The following SEMA3D variants were observed in gnomAD, a reference collection of about 807,000 sequenced individuals.
The protein encoded by SEMA3D is semaphorin-3D.
A neutral mutation model predicts 100.1 loss-of-function variants in SEMA3D; 84 were observed. The ratio of observed to expected loss-of-function variants is 0.84; its 90% CI spans 0.70 to 1.01. The LOEUF is 1.01. Ranked by LOEUF, SEMA3D falls within the 50% of genes least tolerant of loss-of-function variation. The pLI is 0.00. For missense variants in SEMA3D, 875 were observed against 934.1 expected (o/e 0.94, Z 0.82); for synonymous variants, 312 against 320.7 (o/e 0.97, Z 0.29).
At position 84,999,871 on chromosome 7, in the gene SEMA3D, G is replaced by T; in HGVS notation, c.1909-6C>A. The T allele has an allele frequency of 6.2e-7, 1 of 1,608,762 alleles. No individual in the cohort carries two copies. Among genetic ancestry groups the T allele is most frequent in the South Asian group, 1.1e-5 (1 of 90,760 alleles). On this transcript the variant is annotated splice_polypyrimidine_tract_variant and splice_region_variant and intron_variant, in intron 18 of 18. Transcript: ENST00000284136. ...ATTCTTTCATCGGGCTTCAACTGCA[G>T]AATTGGAAAAATGTAGGTAATAAAT...
intron 4 of SEMA3D, among the ~76,000 whole-genome samples, chr7:85,088,811 T>C (rs1205164899): frequency 1.3e-5 from 2 of 152,166 alleles, no homozygotes; most frequent in Non-Finnish European, 2.9e-5. Context: ...ATACAGAAGA[T>C]GGAGTTCCAG....
chr7:85,091,140 AGGAAGGAAGGAG>A (rs1277144401), intron 4 of SEMA3D, among the ~76,000 whole-genome samples: 51 of 140,272 alleles, frequency 3.6e-4, no homozygotes, highest in Middle Eastern at 6.9e-3. Context: ...GAGGGAAGGA[AGGAAGGAAGGAG>A]GGAAGGAAGG....
intron 1 of SEMA3D, among the ~76,000 whole-genome samples, chr7:85,176,911 AAT>A (rs540985300): frequency 6.6e-4 from 100 of 152,156 alleles, no homozygotes; most frequent in African/African-American, 2.3e-3. Flanking sequence ...CCAGAAGTAT[AAT>A]ATGTTTTTAC....
chr7:85,194,574 A>G, the SEMA3D span, among the ~76,000 whole-genome samples: 3 of 152,162 alleles, frequency 2.0e-5, no homozygotes, highest in African/African-American at 4.8e-5. Flanking sequence ...CGTTTTAATC[A>G]TATTTCAATC....
In SEMA3D at chr7:85,126,293, G is replaced by C. The variant is rs143392240; in HGVS notation, c.-40-4362C>G. 6.1e-3 allele frequency among the ~76,000 whole-genome samples: 934 copies of C among 151,916 alleles called. 8 individuals carry two copies. Among genetic ancestry groups the C allele is most frequent in the African/African-American group, 0.021 (869 of 41,418 alleles). ...CAGGTACTATTAATGTGAAAAAGTAGCTTCTATGCACGGAACAATGATTAA... is the reference window on the plus strand; with the variant it reads ...CAGGTACTATTAATGTGAAAAAGTACCTTCTATGCACGGAACAATGATTAA... On this transcript the variant is annotated intron_variant, in intron 2 of 18. Transcript: ENST00000284136.
In SEMA3D at chr7:85,023,268, C is replaced by G. The variant is rs1013272204; in HGVS notation, c.1192-655G>C. On this transcript the variant is annotated intron_variant, in intron 12 of 18. Coordinates refer to ENST00000284136, the MANE Select transcript of SEMA3D (RefSeq NM_001384900.1). ...TAAATCAATAGTTAGCATGACCTGC[C>G]CCCTGGTGGTAAGAGTAAAAAGTTC... is the stretch of plus-strand genomic sequence containing the variant. Among the ~76,000 whole-genome samples the G allele has an allele frequency of 2.6e-5, 4 of 151,718 alleles. No individual in the cohort carries two copies. The East Asian group carries it at 5.9e-4, about 22-fold the overall frequency.
chr7:85,098,003 AAAAG>A lies in SEMA3D; in HGVS notation c.152-42_152-39del, dbSNP rs749422475. The A allele has an allele frequency of 5.4e-5, 63 of 1,173,816 alleles. No homozygotes were observed. The East Asian group carries it at 7.7e-4, about 14-fold the overall frequency. 72.7% of individuals were successfully genotyped at this position (1,173,816 alleles called of 1,614,324 possible). On this transcript the variant is annotated intron_variant, in intron 3 of 18. Transcript: ENST00000284136. ...AAAAAAGAAAAGAAAGGAGAAAGAAAAAAGAAAGAAAGAAAGAGAAAGAAAGGAG... is the reference window on the plus strand; with the variant it reads ...AAAAAAGAAAAGAAAGGAGAAAGAAAAAAGAAAGAAAGAGAAAGAAAGGAG...
rs1460034916 is a variant in SEMA3D, at chr7:84,996,655, C to A, written c.*2785G>T. 1 of 152,284 alleles carries A rather than the reference C, an allele frequency of 6.6e-6. No homozygotes were observed. The highest frequency in any genetic ancestry group is 1.5e-5 in the Non-Finnish European group (1 of 67,882). 9.4% of individuals were successfully genotyped at this position (152,284 alleles called of 1,614,324 possible). The stretch of plus-strand genomic sequence containing the variant: ...AGACATGCGGGATTCTATTTAGCAG[C>A]ATAAATTGCTGAAATGAAATTCAGA... On this transcript the variant is annotated 3_prime_UTR_variant, in exon 19 of 19. Transcript: ENST00000284136.
chr7:84,996,498 G>A lies in SEMA3D; in HGVS notation c.*2942C>T, dbSNP rs973469442. The A allele has an allele frequency of 6.6e-6, 1 of 151,996 alleles. No homozygotes were observed. The highest frequency in any genetic ancestry group is 1.5e-5 in the Non-Finnish European group (1 of 67,876). The allele number at this position is 151,996 out of a possible 1,614,324, so 9.4% of individuals were successfully genotyped here. A position where few individuals can be genotyped will look rare whatever the true frequency, so the allele number is the denominator to read the frequency against. ...TTCCATTTCTTAAGTAATTTGGTTG[G>A]TTTCCAAAAGTCAATAATGTGGATG... is the stretch of plus-strand genomic sequence containing the variant. On this transcript the variant is annotated 3_prime_UTR_variant, in exon 19 of 19. Transcript: ENST00000284136.
the SEMA3D span, among the ~76,000 whole-genome samples, chr7:85,200,805 T>A: frequency 6.6e-6 from 1 of 152,156 alleles, no homozygotes; most frequent in African/African-American, 2.4e-5. Flanking sequence ...AATGGTTTAG[T>A]GGGCCAGGCC....
intron 15 of SEMA3D, among the ~76,000 whole-genome samples, chr7:85,017,071 T>C (rs982035209): frequency 6.6e-6 from 1 of 151,794 alleles, no homozygotes; most frequent in Non-Finnish European, 1.5e-5. Flanking sequence ...CATACTCTAA[T>C]TGTACACAAA....
At chr7:85,048,083 C>T (rs2116031663) in intron 9 of SEMA3D, among the ~76,000 whole-genome samples, 1 of 151,898 alleles carries the variant, frequency 6.6e-6, no homozygotes, top group Admixed American at 6.6e-5. Flanking sequence ...CCCAAACTAA[C>T]ACTGAGGCAA....
the SEMA3D span, among the ~76,000 whole-genome samples, chr7:85,238,386 G>A: frequency 6.6e-6 from 1 of 152,184 alleles, no homozygotes; most frequent in South Asian, 2.1e-4. Flanking sequence ...CTTATGAAGG[G>A]TGTAAAATCT....
At chr7:85,143,600 C>A (rs1790116692) in intron 2 of SEMA3D, among the ~76,000 whole-genome samples, 1 of 152,076 alleles carries the variant, frequency 6.6e-6, no homozygotes, top group African/African-American at 2.4e-5. Context: ...GAACACCATC[C>A]TATGTGTAGT....
intron 3 of SEMA3D, among the ~76,000 whole-genome samples, chr7:85,121,147 T>C (rs1034089191): frequency 2.0e-4 from 30 of 152,128 alleles, no homozygotes; most frequent in African/African-American, 6.5e-4. Context: ...TAAAAACTAT[T>C]TGGGCGTGAA....
At chr7:85,019,857 A>G (rs1239678760) in intron 14 of SEMA3D, among the ~76,000 whole-genome samples, 1 of 151,620 alleles carries the variant, frequency 6.6e-6, no homozygotes, top group Non-Finnish European at 1.5e-5. Flanking sequence ...TGATTTATAC[A>G]CTGGTCTATT....
chr7:85,212,221 T>C, the SEMA3D span, among the ~76,000 whole-genome samples: 1 of 152,108 alleles, frequency 6.6e-6, no homozygotes, highest in African/African-American at 2.4e-5. Context: ...AAATGTTCCT[T>C]TCCTTCCAGT....
At chr7:85,014,723 A>C (rs1427164981) in intron 16 of SEMA3D, among the ~76,000 whole-genome samples, 1 of 151,720 alleles carries the variant, frequency 6.6e-6, no homozygotes, top group African/African-American at 2.4e-5. Context: ...ATATTTAGAA[A>C]TAAGAAATAA....
chr7:85,001,704 G>C (rs1313646027), intron 18 of SEMA3D, among the ~76,000 whole-genome samples: 1 of 152,112 alleles, frequency 6.6e-6, no homozygotes, highest in Non-Finnish European at 1.5e-5. Flanking sequence ...CACAGCATAT[G>C]GTGTGTTTGG....
Sources: gnomAD v4.1 joint callset for allele counts (sites outside exome capture counted in the v4.1 genomes callset) on GRCh38, gnomAD v4.1.1 for gene constraint, MANE v1.5 for transcripts, NCBI Gene and HGNC (gene_info 2026-07-23, HGNC 2026-07-21) for gene names.